HIP1: variants seen among roughly 807,000 people sequenced by gnomAD.
HIP1 encodes the protein huntingtin interacting protein 1, also known as huntingtin-interacting protein 1.
In HIP1, 65 loss-of-function variants were observed where a neutral mutation model predicts 147.6. The ratio of observed to expected loss-of-function variants is 0.44; its 90% CI spans 0.36 to 0.54. The LOEUF (loss-of-function observed/expected upper bound fraction) is 0.54, where lower values mean the gene tolerates loss of function less well. Among genes scored for constraint, HIP1 ranks in the 20% least tolerant of loss-of-function variants. HIP1 has a pLI of 0.00. For missense variants in HIP1, 1,061 were observed against 1,299.6 expected (o/e 0.82, Z 2.82); for synonymous variants, 479 against 504.0 (o/e 0.95, Z 0.67).
chr7:75,735,927 C>A (rs557557292), intron 1 of HIP1, among the ~76,000 whole-genome samples: 4 of 152,036 alleles, frequency 2.6e-5, no homozygotes, highest in Non-Finnish European at 5.9e-5. Flanking sequence ...CTCTCCTACA[C>A]CCCTAAAGAG....
chr7:75,607,206 A>G (rs587729582), intron 1 of HIP1, among the ~76,000 whole-genome samples: 1 of 135,750 alleles, frequency 7.4e-6, no homozygotes, highest in African/African-American at 3.0e-5. Flanking sequence ...CCATCTCTAC[A>G]AAAAAAAAAG....
At chr7:75,624,275 T>C (rs1284977931) in intron 1 of HIP1, among the ~76,000 whole-genome samples, 3 of 152,124 alleles carry the variant, frequency 2.0e-5, no homozygotes, top group African/African-American at 7.2e-5. Flanking sequence ...GCTAATCAGT[T>C]TTCTAAAGTG....
At chr7:75,660,355 C>G (rs1554513434) in intron 1 of HIP1, among the ~76,000 whole-genome samples, 1 of 149,598 alleles carries the variant, frequency 6.7e-6, no homozygotes, top group Admixed American at 6.7e-5. Flanking sequence ...GGCAAAAGCC[C>G]GTTTCTACTA....
At chr7:75,596,534 C>G (rs1397299945) in intron 2 of HIP1, among the ~76,000 whole-genome samples, 5 of 152,104 alleles carry the variant, frequency 3.3e-5, no homozygotes, top group African/African-American at 1.2e-4. Flanking sequence ...TTACAGGTAC[C>G]TGCCACCACA....
At chr7:75,730,223 T>C (rs957600204) in intron 1 of HIP1, among the ~76,000 whole-genome samples, 1 of 151,862 alleles carries the variant, frequency 6.6e-6, no homozygotes, top group African/African-American at 2.4e-5. Flanking sequence ...GACAACGCCT[T>C]GGGGACCCCA....
At chr7:75,604,676 G>A (rs1797148089) in intron 1 of HIP1, among the ~76,000 whole-genome samples, 1 of 150,378 alleles carries the variant, frequency 6.6e-6, no homozygotes, top group Admixed American at 6.7e-5. Flanking sequence ...TAGAAAAGAA[G>A]GAAGAAGGAA....
At chr7:75,600,023 A>C (rs949529184) in intron 1 of HIP1, among the ~76,000 whole-genome samples, 1 of 151,080 alleles carries the variant, frequency 6.6e-6, no homozygotes, top group African/African-American at 2.4e-5. Flanking sequence ...TTTAGTAGAG[A>C]CGTGGTTTCA....
In HIP1 at chr7:75,539,394, T is replaced by C. The variant is rs1794215415; in HGVS notation, c.2990A>G (p.Glu997Gly). Residue 997 changes from glutamate (E) to glycine (G), a missense_variant, in exon 30 of 31, where the codon GAG (glutamate) becomes GGG (glycine). Transcript: ENST00000336926. ...VLELENELQK[E>G]RQKLGELRKK... ...CCGAAGCTCTCCCAGTTTTTGACGC[T>C]CCTTCTGCAATTCATTTTCTAGCTC... The C allele has an allele frequency of 6.2e-7, 1 of 1,614,186 alleles. No homozygotes were observed. Among genetic ancestry groups the C allele is most frequent in the Non-Finnish European group, 8.5e-7 (1 of 1,180,006 alleles).
chr7:75,693,121 T>C (rs1176242456), intron 1 of HIP1, among the ~76,000 whole-genome samples: 1 of 150,614 alleles, frequency 6.6e-6, no homozygotes, highest in African/African-American at 2.4e-5. Context: ...GCCGAGATCA[T>C]GCCACTGCAC....
intron 22 of HIP1, among the ~76,000 whole-genome samples, chr7:75,552,357 T>C (rs971052656): frequency 1.3e-5 from 2 of 152,082 alleles, no homozygotes; most frequent in African/African-American, 4.8e-5. Flanking sequence ...AGGACATATT[T>C]ATTTATAGCA....
chr7:75,587,517 GACTC>G (rs1796330011), intron 4 of HIP1, among the ~76,000 whole-genome samples: 1 of 152,034 alleles, frequency 6.6e-6, no homozygotes, highest in African/African-American at 2.4e-5. Flanking sequence ...TTATTGAACT[GACTC>G]AATAAATTCA....
At chr7:75,604,239 C>T (rs1797130088) in intron 1 of HIP1, among the ~76,000 whole-genome samples, 1 of 152,130 alleles carries the variant, frequency 6.6e-6, no homozygotes, top group African/African-American at 2.4e-5. Context: ...AAAGGACTTA[C>T]AAGGCATATA....
intron 22 of HIP1, among the ~76,000 whole-genome samples, chr7:75,551,049 A>G (rs6964720): frequency 0.14 from 21,102 of 152,188 alleles, 1,691 homozygotes; most frequent in East Asian, 0.22. Context: ...AAATGAATTT[A>G]TCTTCTTGGA....
In HIP1 at chr7:75,568,869, C is replaced by T. The variant is rs191912021; in HGVS notation, c.746-613G>A. 3.3e-5 allele frequency among the ~76,000 whole-genome samples: 5 copies of T among 152,186 alleles called. No homozygotes were observed. Among genetic ancestry groups the T allele is most frequent in the Admixed American group, 3.3e-4 (5 of 15,286 alleles). On this transcript the variant is annotated intron_variant, in intron 8 of 30. Transcript: ENST00000336926. The surrounding 1 kb of genome is among the most constrained non-coding windows in gnomAD (Gnocchi z 4.1). Reference sequence around the variant, plus strand: ...ACTAAAAATACAGAAATTAGCCGGGCGCGGTGGCATGCGCCTGTAATCCCA... The same window carrying T: ...ACTAAAAATACAGAAATTAGCCGGGTGCGGTGGCATGCGCCTGTAATCCCA...
chr7:75,665,999 GT>G (rs1477536557), intron 1 of HIP1, among the ~76,000 whole-genome samples: 2 of 152,074 alleles, frequency 1.3e-5, no homozygotes, highest in African/African-American at 4.8e-5. Context: ...CAAGATCTAT[GT>G]TACTCAGCGA....
chr7:75,544,842 A>G (rs1794484189), intron 26 of HIP1, 42 bp from the exon 27 acceptor site: 1 of 1,241,680 alleles, frequency 8.1e-7, no homozygotes, highest in Non-Finnish European at 1.2e-6. Context: ...CGGGCAAATG[A>G]GCTGCAACTC....
chr7:75,617,749 G>C (rs1166748035), intron 1 of HIP1, among the ~76,000 whole-genome samples: 1 of 152,190 alleles, frequency 6.6e-6, no homozygotes, highest in South Asian at 2.1e-4. Context: ...GGCTTCGAAA[G>C]GGGCTCCTCC....
At chr7:75,574,360 G>T (rs587701797) in intron 7 of HIP1, among the ~76,000 whole-genome samples, 1 of 151,928 alleles carries the variant, frequency 6.6e-6, no homozygotes, top group South Asian at 2.1e-4. Flanking sequence ...AGGCTGAGGC[G>T]GGTGGATCGC....
At chr7:75,671,741 C>CT (rs1348997214) in intron 1 of HIP1, among the ~76,000 whole-genome samples, 1 of 148,066 alleles carries the variant, frequency 6.8e-6, no homozygotes, top group Non-Finnish European at 1.5e-5. Context: ...TCATGTTTTC[C>CT]TTTTTTTTAA....
Sources: allele counts gnomAD v4.1 joint callset (sites outside exome capture counted in the v4.1 genomes callset), GRCh38; gene constraint gnomAD v4.1.1; non-coding constraint Gnocchi (gnomAD v3.1); transcripts MANE v1.5; gene names NCBI Gene and HGNC (gene_info 2026-07-23, HGNC 2026-07-21).